The following TNRC18 variants were observed in gnomAD, a reference collection of about 807,000 sequenced individuals.
TNRC18 encodes trinucleotide repeat containing 18, also known as trinucleotide repeat-containing gene 18 protein.
In TNRC18, 69 loss-of-function variants were observed where a neutral mutation model predicts 226.7. That is an observed-to-expected ratio of 0.30 (90% confidence interval 0.25 to 0.37). The LOEUF (loss-of-function observed/expected upper bound fraction) is 0.37, where lower values mean the gene tolerates loss of function less well. Ranked by LOEUF, TNRC18 falls within the 10% of genes least tolerant of loss-of-function variation. The pLI is 1.00. For missense variants in TNRC18, 4,754 were observed against 4,256.6 expected (o/e 1.12, Z -3.25); for synonymous variants, 2,449 against 1,927.6 (o/e 1.27, Z -7.09).
chr7:5,318,924 C>G (rs541007901), intron 24 of TNRC18, among the ~76,000 whole-genome samples: 14 of 152,184 alleles, frequency 9.2e-5, no homozygotes, highest in Non-Finnish European at 1.9e-4. Context: ...GACTCTTCCT[C>G]AGAAAGCTAC....
Position 5,345,543 on chromosome 7 carries a change from C to CCCCCCCCCCCCCCCCCCTT in TNRC18, c.5719+18_5719+19insAAGGGGGGGGGGGGGGGGG. 7.0e-7 allele frequency: 1 copy of CCCCCCCCCCCCCCCCCCTT among 1,419,172 alleles called. No homozygotes were observed. The highest frequency in any genetic ancestry group is 9.3e-7 in the Non-Finnish European group (1 of 1,078,492). 87.9% of individuals were successfully genotyped at this position (1,419,172 alleles called of 1,614,324 possible). On this transcript the variant is annotated intron_variant, in intron 18 of 29. Coordinates refer to ENST00000430969, the MANE Select transcript of TNRC18 (RefSeq NM_001080495.3). ...CCCCTCCCACCCACCCCCACCGCAG[C>CCCCCCCCCCCCCCCCCCTT]CCACCTGCTGCCACTTACCCAGCAG...
In TNRC18 at chr7:5,313,207, T is replaced by C. The variant is rs1170071648; in HGVS notation, c.7684A>G (p.Ser2562Gly). Residue 2562 changes from serine to glycine, a missense_variant, in exon 27 of 30, where the codon AGC (serine) becomes GGC (glycine). Ser to Gly is a moderately conservative substitution (Grantham distance 56). Coordinates refer to ENST00000430969, the MANE Select transcript of TNRC18 (RefSeq NM_001080495.3). The stretch of plus-strand genomic sequence containing the variant: ...CTGCTACTGCTGCCACTACTGCTGC[T>C]GCTGCTGCTCTCGGACTCTTCGGCC... Reference protein sequence around the residue: ...DGAEESESSSSSSSGSSSSSS... With the variant: ...DGAEESESSSGSSSGSSSSSS... 15 of 1,547,914 alleles carry C rather than the reference T, an allele frequency of 9.7e-6. No homozygotes were observed. Among genetic ancestry groups the C allele is most frequent in the African/African-American group, 1.4e-5 (1 of 72,982 alleles).
rs796523266 is a variant in TNRC18, at chr7:5,366,519, T to TC, written c.4220-3695dup. On this transcript the variant is annotated intron_variant, in intron 11 of 29. Coordinates refer to ENST00000430969, the MANE Select transcript of TNRC18 (RefSeq NM_001080495.3). ...TTTTATTTTTAGTAGAGATGGGGTT[T>TC]CCCCATGTTGGCCAGGCTGGTCTCA... is the stretch of plus-strand genomic sequence containing the variant. 9.9e-5 allele frequency among the ~76,000 whole-genome samples: 15 copies of TC among 152,146 alleles called. 1 individual carries two copies. The highest frequency in any genetic ancestry group is 3.1e-4 in the African/African-American group (13 of 41,518).
chr7:5,356,887 C>CCA, intron 16 of TNRC18, 29 bp downstream of exon 16: 1 of 1,500,248 alleles, frequency 6.7e-7, no homozygotes, highest in Non-Finnish European at 8.9e-7. Context: ...AAGCAGCGGA[C>CCA]CAGAGGTGGC....
rs1163159893 is a variant in TNRC18, at chr7:5,389,319, T to A, written c.505A>T (p.Thr169Ser). ...GPGGDGFYLP[T>S]AGAPGSLHSH... is the part of the protein sequence containing the mutation. Reference sequence around the variant, plus strand: ...TGCAGGGAGCCCGGAGCCCCCGCGGTGGGCAGGTAGAAACCGTCTGCGGAG... The same window carrying A: ...TGCAGGGAGCCCGGAGCCCCCGCGGAGGGCAGGTAGAAACCGTCTGCGGAG... Residue 169 changes from threonine (T) to serine (S), a missense_variant, in exon 5 of 30, where the codon ACC becomes TCC. By Grantham distance (58) the Thr-to-Ser change is moderately conservative. Coordinates refer to ENST00000430969, the MANE Select transcript of TNRC18 (RefSeq NM_001080495.3). The A allele has an allele frequency of 9.4e-6, 12 of 1,279,362 alleles. No homozygotes were observed. The highest frequency in any genetic ancestry group is 9.9e-6 in the Non-Finnish European group (10 of 1,013,390). 79.3% of individuals were successfully genotyped at this position (1,279,362 alleles called of 1,614,324 possible).
At position 5,325,079 on chromosome 7, in the gene TNRC18, G is replaced by A; in HGVS notation, c.6300+17C>T. ...TGAGCCCCCCACAGCCCCCAACCAG[G>A]GCACGGTGAGCCTCACCTCCTTCTT... On this transcript the variant is annotated intron_variant, in intron 20 of 29. Transcript: ENST00000430969. 1 of 1,549,396 alleles carries A rather than the reference G, an allele frequency of 6.5e-7. No homozygotes were observed. The highest frequency in any genetic ancestry group is 8.7e-7 in the Non-Finnish European group (1 of 1,146,840).
chr7:5,367,709 T>A (rs1490835044), intron 11 of TNRC18, among the ~76,000 whole-genome samples: 1 of 151,512 alleles, frequency 6.6e-6, no homozygotes, highest in Non-Finnish European at 1.5e-5. Context: ...ATTACAGGCG[T>A]GTGCCACCGT....
intron 10 of TNRC18, among the ~76,000 whole-genome samples, chr7:5,373,268 G>A (rs139433757): frequency 1.3e-5 from 2 of 152,202 alleles, no homozygotes; most frequent in Non-Finnish European, 2.9e-5. Context: ...AGGCTGCAGT[G>A]AGCTGTGATT....
At chr7:5,338,930 A>G (rs553657465) in intron 18 of TNRC18, among the ~76,000 whole-genome samples, 1 of 149,508 alleles carries the variant, frequency 6.7e-6, no homozygotes, top group South Asian at 2.1e-4. Context: ...CAAAAGGAAA[A>G]AAAAAAAAAA....
At position 5,394,743 on chromosome 7, in the gene TNRC18, C is replaced by T; in HGVS notation, c.188-148G>A. On this transcript the variant is annotated intron_variant, in intron 2 of 29. Transcript: ENST00000430969. This position sits in a 1 kb window ranked among gnomAD's most constrained non-coding sequence, Gnocchi z 4.5. ...TGGCCAGGAGACCAAAGAGGGTTCC[C>T]CTGCTCCGGCCCCACCCCTGGGCTG... 1 of 646,962 alleles carries T rather than the reference C, an allele frequency of 1.5e-6. No homozygotes were observed. Among genetic ancestry groups the T allele is most frequent in the Non-Finnish European group, 2.6e-6 (1 of 380,140 alleles). The allele number at this position is 646,962 out of a possible 1,614,324, so 40.1% of individuals were successfully genotyped here.
intron 19 of TNRC18, among the ~76,000 whole-genome samples, chr7:5,329,078 C>T (rs564389767): frequency 1.3e-4 from 20 of 150,786 alleles, no homozygotes; most frequent in African/African-American, 2.2e-4. Flanking sequence ...TGAGGTGGGC[C>T]GATCACCTGA....
intron 20 of TNRC18, 51 bp downstream of exon 20, chr7:5,325,045 G>A (rs574204728): frequency 3.2e-6 from 5 of 1,542,788 alleles, no homozygotes; most frequent in African/African-American, 1.4e-5. Flanking sequence ...CTGACCACAG[G>A]AGCATGGCTG....
At chr7:5,320,831 G>A (rs1788276530) in intron 22 of TNRC18, among the ~76,000 whole-genome samples, 1 of 152,218 alleles carries the variant, frequency 6.6e-6, no homozygotes, top group Non-Finnish European at 1.5e-5. Context: ...AGAGAGGCCA[G>A]CACGCTCTCT....
chr7:5,393,353 C>T (rs140564008), intron 3 of TNRC18, among the ~76,000 whole-genome samples: 38 of 152,354 alleles, frequency 2.5e-4, no homozygotes, highest in East Asian at 2.3e-3. Context: ...AGAGCAGACT[C>T]GCTGACCTCA....
chr7:5,373,569 C>G (rs1794357131), intron 10 of TNRC18, among the ~76,000 whole-genome samples: 1 of 152,234 alleles, frequency 6.6e-6, no homozygotes, highest in Non-Finnish European at 1.5e-5. Context: ...AGCACACGCT[C>G]ACACACCTGA....
chr7:5,352,497 CTCAGGAGGGAAAG>C (rs1791933739), intron 16 of TNRC18, among the ~76,000 whole-genome samples: 1 of 152,234 alleles, frequency 6.6e-6, no homozygotes, highest in Admixed American at 6.5e-5. Flanking sequence ...GAGGACCTGA[CTCAGGAGGGAAAG>C]GGCTCATGAC....
At chr7:5,419,052 C>T (rs1486019832) in intron 2 of TNRC18, among the ~76,000 whole-genome samples, 1 of 152,236 alleles carries the variant, frequency 6.6e-6, no homozygotes, top group Non-Finnish European at 1.5e-5. Flanking sequence ...CCTCGGCGTG[C>T]AGAAGTCAGG....
At chr7:5,379,033 A>G (rs1779208340) in intron 5 of TNRC18, among the ~76,000 whole-genome samples, 1 of 151,566 alleles carries the variant, frequency 6.6e-6, no homozygotes, top group Admixed American at 6.6e-5. Context: ...GTCTCTACTA[A>G]AAAAAATACA....
chr7:5,309,019 C>T lies in TNRC18; in HGVS notation c.8626-70G>A. ...CTGCACCCGACCCCAGGCCCCAGGA[C>T]AGGGCTGACCCACTGGGCAGGGCTG... On this transcript the variant is annotated intron_variant, in intron 28 of 29. Transcript: ENST00000430969. The surrounding 1 kb of genome is among the most constrained non-coding windows in gnomAD (Gnocchi z 5.7). The T allele has an allele frequency of 1.3e-6, 2 of 1,532,628 alleles. No homozygotes were observed. The highest frequency in any genetic ancestry group is 1.4e-5 in the African/African-American group (1 of 73,068). The allele number at this position is 1,532,628 out of a possible 1,614,324, so 94.9% of individuals were successfully genotyped here. A position where few individuals can be genotyped will look rare whatever the true frequency, so the allele number is the denominator to read the frequency against.
Sources: allele counts gnomAD v4.1 joint callset (sites outside exome capture counted in the v4.1 genomes callset), GRCh38; gene constraint gnomAD v4.1.1; non-coding constraint Gnocchi (gnomAD v3.1); transcripts MANE v1.5; gene names NCBI Gene and HGNC (gene_info 2026-07-23, HGNC 2026-07-21).